FRYL: variants seen among roughly 807,000 people sequenced by gnomAD.
The protein encoded by FRYL is protein furry homolog-like.
In FRYL, 150 loss-of-function variants were observed where a neutral mutation model predicts 351.2. That is an observed-to-expected ratio of 0.43 (90% CI 0.37 to 0.49). FRYL has a LOEUF of 0.49. Among genes scored for constraint, FRYL ranks in the 20% least tolerant of loss-of-function variants. The pLI, the probability that FRYL is intolerant of heterozygous loss-of-function variation, is 0.00. For missense variants in FRYL, 3,036 were observed against 3,619.3 expected, an observed-to-expected ratio of 0.84 and a Z score of 4.13; for synonymous variants, 1,153 against 1,257.1, an observed-to-expected ratio of 0.92 and a Z score of 1.75.
chr4:48,589,340 C>T (rs1456041789), intron 18 of FRYL, among the ~76,000 whole-genome samples: 1 of 150,280 alleles, frequency 6.7e-6, no homozygotes, highest in Non-Finnish European at 1.5e-5. Flanking sequence ...CCCTTAGTTC[C>T]TAGGAGTCAA....
At position 48,510,047 on chromosome 4, in the gene FRYL, A is replaced by AAAG; in HGVS notation, c.8394+9_8394+11dup. The AAAG allele has an allele frequency of 6.3e-7, 1 of 1,598,776 alleles. No individual in the cohort carries two copies. Among genetic ancestry groups the AAAG allele is most frequent in the Non-Finnish European group, 8.6e-7 (1 of 1,166,304 alleles). On this transcript the variant is annotated intron_variant, in intron 59 of 63. Coordinates refer to ENST00000358350, the MANE Select transcript of FRYL (RefSeq NM_015030.2). ...GCAAACCACTTTTCGCACATGGTAA[A>AAAG]AAGAGACTGACCTGCTCAGCGGCTT...
intron 3 of FRYL, among the ~76,000 whole-genome samples, chr4:48,651,218 G>A (rs1241158577): frequency 1.0e-4 from 2 of 19,818 alleles, no homozygotes; most frequent in East Asian, 5.1e-3. Context: ...TGCACCGTGT[G>A]TGTGTGTGTG....
chr4:48,534,175 G>A (rs377291173), intron 49 of FRYL, among the ~76,000 whole-genome samples: 2 of 152,118 alleles, frequency 1.3e-5, no homozygotes, highest in Non-Finnish European at 1.5e-5. Context: ...GCAGTGAGCC[G>A]AGACTGCGCC....
In FRYL at chr4:48,535,857, C is replaced by T. The variant is rs1728765795; in HGVS notation, c.6394-30G>A. The T allele has an allele frequency of 9.1e-6, 13 of 1,432,220 alleles. No individual in the cohort carries two copies. In the East Asian group the frequency reaches 3.3e-4, roughly 36 times the overall value. 88.7% of individuals were successfully genotyped at this position (1,432,220 alleles called of 1,614,324 possible). ...AAAACAAATAAAATTATTTCATTCA[C>T]CTAAAATAAAGACACAAGTTTAACT... On this transcript the variant is annotated intron_variant, in intron 47 of 63. Transcript: ENST00000358350.
chr4:48,665,360 A>G (rs1286681917), intron 3 of FRYL, among the ~76,000 whole-genome samples: 1 of 152,226 alleles, frequency 6.6e-6, no homozygotes, highest in African/African-American at 2.4e-5. Context: ...CAAAGATAAA[A>G]CATCTGCTCT....
chr4:48,500,738 T>C (rs1719398737), intron 62 of FRYL, among the ~76,000 whole-genome samples: 1 of 152,218 alleles, frequency 6.6e-6, no homozygotes, highest in Admixed American at 6.5e-5. Flanking sequence ...GTATTGATTT[T>C]CAACATTCAA....
At position 48,549,502 on chromosome 4, in the gene FRYL, T is replaced by C; in HGVS notation, c.4755A>G (p.Glu1585=). ...CWSPLVDYVP[E]TSSPGLPLHR... ...GAAGAGGTAATCCAGGTGATGACGT[T>C]TCAGGCACGTAATCCACCAGTGGTG... Residue 1585 remains glutamate (E), a synonymous_variant, in exon 39 of 64, where the codon GAA becomes GAG. Transcript: ENST00000358350. This position sits in a 1 kb window ranked among gnomAD's most constrained non-coding sequence, Gnocchi z 4.2. 6.2e-7 allele frequency: 1 copy of C among 1,612,654 alleles called. No homozygotes were observed. Among genetic ancestry groups the C allele is most frequent in the South Asian group, 1.1e-5 (1 of 90,630 alleles).
intron 28 of FRYL, among the ~76,000 whole-genome samples, chr4:48,566,707 G>C (rs1387402420): frequency 2.6e-5 from 4 of 152,092 alleles, no homozygotes; most frequent in Admixed American, 6.6e-5. Context: ...TATGCCAAAG[G>C]CTAGTCACAT....
At chr4:48,686,742 C>CAAAGT in intron 2 of FRYL, among the ~76,000 whole-genome samples, 1 of 152,320 alleles carries the variant, frequency 6.6e-6, no homozygotes, top group South Asian at 2.1e-4. Context: ...TGCAGTCTTG[C>CAAAGT]GCTCAGACAT....
At chr4:48,596,405 C>A (rs1376656549) in intron 13 of FRYL, among the ~76,000 whole-genome samples, 1 of 152,046 alleles carries the variant, frequency 6.6e-6, no homozygotes, top group Non-Finnish European at 1.5e-5. Context: ...ATTCAGAACA[C>A]CAAATGGTAT....
chr4:48,627,647 ACAGAAAAC>A (rs1193342246), intron 4 of FRYL, among the ~76,000 whole-genome samples: 1 of 152,224 alleles, frequency 6.6e-6, no homozygotes, highest in Non-Finnish European at 1.5e-5. Flanking sequence ...AAACAGAAAA[ACAGAAAAC>A]ATGAAAAGAT....
At chr4:48,509,420 C>T (rs1722014749) in intron 59 of FRYL, among the ~76,000 whole-genome samples, 1 of 152,192 alleles carries the variant, frequency 6.6e-6, no homozygotes, top group Non-Finnish European at 1.5e-5. Flanking sequence ...CTTCATTTTT[C>T]ATAGGTCTAT....
intron 1 of FRYL, among the ~76,000 whole-genome samples, chr4:48,771,008 T>G (rs1022113878): frequency 1.3e-5 from 2 of 152,210 alleles, no homozygotes; most frequent in African/African-American, 4.8e-5. Context: ...TTATTTCCTT[T>G]CAAATCTACA....
rs148621969 is a variant in FRYL, at chr4:48,546,366, C to T, written c.5075-95G>A. On this transcript the variant is annotated intron_variant, in intron 41 of 63. Coordinates refer to ENST00000358350, the MANE Select transcript of FRYL (RefSeq NM_015030.2). The stretch of plus-strand genomic sequence containing the variant: ...CTGTTGTTCCTTAGACTCTATGGGA[C>T]ACATGAGGCAATCTGTCAGTGCAAG... 419 of 927,880 alleles carry T rather than the reference C, an allele frequency of 4.5e-4. 1 individual carries two copies. The East Asian group carries it at 9.5e-3, about 21-fold the overall frequency. 57.5% of individuals were successfully genotyped at this position (927,880 alleles called of 1,614,324 possible).
intron 22 of FRYL, among the ~76,000 whole-genome samples, 190 bp from the exon 23 acceptor site, chr4:48,579,431 C>CT (rs947983498): frequency 8.6e-5 from 13 of 151,798 alleles, no homozygotes; most frequent in East Asian, 1.9e-4. Flanking sequence ...GCATACATGT[C>CT]TTTTTTTTGG....
At chr4:48,743,667 G>T (rs1329270244) in intron 1 of FRYL, among the ~76,000 whole-genome samples, 6 of 152,172 alleles carry the variant, frequency 3.9e-5, no homozygotes, top group Non-Finnish European at 7.4e-5. Context: ...TATTCTAGAT[G>T]TTTCTGTCCA....
intron 3 of FRYL, among the ~76,000 whole-genome samples, chr4:48,684,065 A>C (rs1764925170): frequency 6.6e-6 from 1 of 152,224 alleles, no homozygotes. Flanking sequence ...TCTCAACTGC[A>C]CTTTCAACTG....
chr4:48,545,054 T>C (rs1198864348), intron 42 of FRYL, 150 bp from the exon 43 acceptor site: 1 of 685,654 alleles, frequency 1.5e-6, no homozygotes, highest in African/African-American at 1.9e-5. Context: ...CACATGAATA[T>C]GTAATGATCT....
intron 26 of FRYL, among the ~76,000 whole-genome samples, chr4:48,572,468 A>AT (rs1451351882): frequency 3.3e-5 from 5 of 152,200 alleles, no homozygotes; most frequent in African/African-American, 1.2e-4. Context: ...AAGTTTGCAA[A>AT]TGCTGTTCTT....
Sources: allele counts gnomAD v4.1 joint callset (sites outside exome capture counted in the v4.1 genomes callset), GRCh38; gene constraint gnomAD v4.1.1; non-coding constraint Gnocchi (gnomAD v3.1); transcripts MANE v1.5; gene names NCBI Gene and HGNC (gene_info 2026-07-23, HGNC 2026-07-21).